TTLL11: variants seen among roughly 807,000 people sequenced by gnomAD.
The protein encoded by TTLL11 is tubulin polyglutamylase TTLL11.
A neutral mutation model predicts 51.7 loss-of-function variants in TTLL11; 42 were observed. The ratio of observed to expected loss-of-function variants is 0.81; its 90% CI spans 0.64 to 1.05. The LOEUF (loss-of-function observed/expected upper bound fraction) is 1.05, where lower values mean the gene tolerates loss of function less well. TTLL11 is among the 50% of genes least tolerant of loss of function. The pLI is 0.00. For missense variants in TTLL11, 799 were observed against 940.4 expected, an observed-to-expected ratio of 0.85 and a Z score of 1.97; for synonymous variants, 381 against 383.5, an observed-to-expected ratio of 0.99 and a Z score of 0.08.
intron 8 of TTLL11, among the ~76,000 whole-genome samples, chr9:121,850,890 C>T (rs753391452): frequency 3.5e-4 from 54 of 152,126 alleles, no homozygotes; most frequent in Non-Finnish European, 1.2e-4. Context: ...AACCCACGCA[C>T]GAATGTTTAT....
At chr9:121,847,207 C>CAAAAAAAAAAAA (rs56213031) in intron 8 of TTLL11, among the ~76,000 whole-genome samples, 1 of 113,720 alleles carries the variant, frequency 8.8e-6, no homozygotes, top group Non-Finnish European at 1.9e-5. Flanking sequence ...GACTCCGTCT[C>CAAAAAAAAAAAA]AAAAAAAAAA....
intron 6 of TTLL11, among the ~76,000 whole-genome samples, chr9:121,912,385 C>T (rs13283685): frequency 0.21 from 32,026 of 151,156 alleles, 3,775 homozygotes; most frequent in African/African-American, 0.29. Flanking sequence ...CCTTCCCCCC[C>T]GCCCCCGTCC....
At chr9:122,033,259 T>C (rs1042219175) in intron 2 of TTLL11, among the ~76,000 whole-genome samples, 5 of 152,196 alleles carry the variant, frequency 3.3e-5, no homozygotes, top group African/African-American at 1.2e-4. Context: ...ATTACAGGTG[T>C]GCACCACCAT....
chr9:121,873,186 C>T (rs1838418655), intron 6 of TTLL11, among the ~76,000 whole-genome samples: 1 of 152,162 alleles, frequency 6.6e-6, no homozygotes, highest in African/African-American at 2.4e-5. Flanking sequence ...GATCCATCCA[C>T]AGTCAGGTGG....
chr9:122,090,798 A>AAG (rs1310401050), intron 1 of TTLL11, among the ~76,000 whole-genome samples: 2 of 152,210 alleles, frequency 1.3e-5, no homozygotes, highest in Non-Finnish European at 2.9e-5. Flanking sequence ...TGCCTGGCGA[A>AAG]GTTTAGTACT....
chr9:121,826,215 TATGC>T (rs1406157520), intron 8 of TTLL11, among the ~76,000 whole-genome samples: 3 of 94,518 alleles, frequency 3.2e-5, no homozygotes, highest in African/African-American at 1.0e-4. Context: ...TATATATATA[TATGC>T]ACACATATAT....
chr9:121,985,868 T>C (rs1484926819), intron 4 of TTLL11, among the ~76,000 whole-genome samples: 2 of 152,172 alleles, frequency 1.3e-5, no homozygotes, highest in Non-Finnish European at 2.9e-5. Flanking sequence ...AAATGTATGG[T>C]AAGACAAATT....
chr9:121,884,649 T>C (rs998651121), intron 6 of TTLL11: 1 of 152,324 alleles, frequency 6.6e-6, no homozygotes, highest in African/African-American at 2.4e-5. Context: ...ATTCCAGTTT[T>C]TATTGTGTCG....
chr9:122,093,248 A>T lies in TTLL11; in HGVS notation c.-100T>A, dbSNP rs1846321438. The T allele has an allele frequency of 6.6e-7, 1 of 1,508,948 alleles. No homozygotes were observed. Among genetic ancestry groups the T allele is most frequent in the Admixed American group, 2.2e-5 (1 of 44,996 alleles). The allele number at this position is 1,508,948 out of a possible 1,614,324, so 93.5% of individuals were successfully genotyped here. A position where few individuals can be genotyped will look rare whatever the true frequency, so the allele number is the denominator to read the frequency against. On this transcript the variant is annotated 5_prime_UTR_variant, in exon 1 of 9. Coordinates refer to ENST00000321582, the MANE Select transcript of TTLL11 (RefSeq NM_001139442.2). Reference sequence around the variant, plus strand: ...AACTGCCGCCGCTGCAGCCGCTGCCACGCGTTCCCCGCCCGAGCCCGTTGC... The same window carrying T: ...AACTGCCGCCGCTGCAGCCGCTGCCTCGCGTTCCCCGCCCGAGCCCGTTGC...
chr9:122,090,197 T>A (rs1458871992), intron 1 of TTLL11, among the ~76,000 whole-genome samples: 1 of 151,954 alleles, frequency 6.6e-6, no homozygotes, highest in Non-Finnish European at 1.5e-5. Context: ...GTAGAAAGAC[T>A]GGAAACTGCT....
At chr9:122,031,662 C>A in intron 3 of TTLL11, 61 bp downstream of exon 3, 1 of 1,579,818 alleles carries the variant, frequency 6.3e-7, no homozygotes. Flanking sequence ...GCACACAGGA[C>A]CCAGGACACA....
rs1491163835 is a variant in TTLL11, at chr9:121,826,217, T to TATATATATATATATATAC, written c.1841-3339_1841-3338insGTATATATATATATATAT. On this transcript the variant is annotated intron_variant, in intron 8 of 8. Transcript: ENST00000321582. Reference sequence around the variant, plus strand: ...ATATATATATATATATATATATATATGCACACATATATATATACACGCACA... The same window carrying TATATATATATATATATAC: ...ATATATATATATATATATATATATATATATATATATATATATACGCACACATATATATATACACGCACA... Among the ~76,000 whole-genome samples the TATATATATATATATATAC allele has an allele frequency of 5.0e-4, 29 of 58,100 alleles. 1 individual carries two copies. The highest frequency in any genetic ancestry group is 7.8e-4 in the South Asian group (1 of 1,278). The allele number at this position is 58,100 out of a possible 152,430, so 38.1% of individuals were successfully genotyped here. A position where few individuals can be genotyped will look rare whatever the true frequency, so the allele number is the denominator to read the frequency against.
chr9:121,857,515 C>A (rs1020021731), intron 8 of TTLL11, among the ~76,000 whole-genome samples: 2 of 152,154 alleles, frequency 1.3e-5, no homozygotes, highest in Admixed American at 6.5e-5. Flanking sequence ...GAAGGCCTGG[C>A]GTGAGAATTT....
intron 6 of TTLL11, among the ~76,000 whole-genome samples, chr9:121,940,215 A>G (rs544772907): frequency 6.6e-6 from 1 of 152,314 alleles, no homozygotes; most frequent in East Asian, 1.9e-4. Flanking sequence ...ATTCATAGTC[A>G]TAAATCCTCT....
chr9:121,971,019 GGGGGGGT>G (rs1842532816), intron 6 of TTLL11, among the ~76,000 whole-genome samples: 4 of 143,504 alleles, frequency 2.8e-5, no homozygotes, highest in Non-Finnish European at 4.7e-5. Context: ...GGAGGGAGGT[GGGGGGGT>G]CAGCCCCCCG....
At chr9:121,922,253 T>C (rs890943881) in intron 6 of TTLL11, among the ~76,000 whole-genome samples, 1 of 152,260 alleles carries the variant, frequency 6.6e-6, no homozygotes, top group Non-Finnish European at 1.5e-5. Context: ...TTATTGATAC[T>C]CTTTTTAAAA....
chr9:121,857,969 G>A (rs1413248261), intron 8 of TTLL11, among the ~76,000 whole-genome samples: 4 of 151,762 alleles, frequency 2.6e-5, no homozygotes, highest in East Asian at 1.9e-4. Context: ...GGCCCCCTCC[G>A]TGGGATCCTG....
At chr9:122,078,454 G>A (rs764470233) in intron 1 of TTLL11, among the ~76,000 whole-genome samples, 1 of 152,176 alleles carries the variant, frequency 6.6e-6, no homozygotes, top group Non-Finnish European at 1.5e-5. Context: ...GCATTCAGAG[G>A]AGGAAAAACA....
intron 1 of TTLL11, among the ~76,000 whole-genome samples, chr9:122,054,214 C>T (rs993931088): frequency 2.0e-5 from 3 of 151,740 alleles, no homozygotes; most frequent in Admixed American, 6.6e-5. Context: ...GCCCATCGTC[C>T]GCCTTGCTTC....
Sources: allele counts gnomAD v4.1 joint callset (sites outside exome capture counted in the v4.1 genomes callset), GRCh38; gene constraint gnomAD v4.1.1; transcripts MANE v1.5; gene names NCBI Gene and HGNC (gene_info 2026-07-23, HGNC 2026-07-21).